Variants in RHBDD1 observed in about 807,000 individuals in gnomAD.
RHBDD1 encodes rhomboid domain containing 1, also known as rhomboid-related protein 4.
In RHBDD1, 38 loss-of-function variants were observed where a neutral mutation model predicts 36.3. The observed-to-expected ratio is 1.05, with a 90% confidence interval of 0.81 to 1.37. The LOEUF is 1.37. RHBDD1 is among the 40% of genes most tolerant of loss of function. The pLI is 0.00. For missense variants in RHBDD1, 393 were observed against 377.6 expected (o/e 1.04, Z -0.34); for synonymous variants, 151 against 136.5 (o/e 1.11, Z -0.74).
chr2:226,803,685 A>G, the RHBDD1 span, among the ~76,000 whole-genome samples: 2,225 of 152,330 alleles, frequency 0.015, 26 homozygotes, highest in Non-Finnish European at 0.023. Flanking sequence ...TGACATAAAC[A>G]TTATCAGTTA....
At chr2:226,952,852 A>G (rs554497256) in intron 8 of RHBDD1, among the ~76,000 whole-genome samples, 1 of 152,124 alleles carries the variant, frequency 6.6e-6, no homozygotes, top group Admixed American at 6.6e-5. Context: ...TAAGGCATCA[A>G]CAAAAATAGC....
intron 7 of RHBDD1, among the ~76,000 whole-genome samples, chr2:226,912,232 T>C (rs938370366): frequency 1.1e-4 from 17 of 152,118 alleles, no homozygotes; most frequent in Non-Finnish European, 2.2e-4. Context: ...GTGGAGAAAT[T>C]GGAACCCACA....
chr2:226,918,057 G>A (rs1472887905), intron 8 of RHBDD1, among the ~76,000 whole-genome samples: 3 of 151,714 alleles, frequency 2.0e-5, no homozygotes, highest in Non-Finnish European at 2.9e-5. Flanking sequence ...ACTCCTATTA[G>A]GAAAATAGAA....
intron 8 of RHBDD1, among the ~76,000 whole-genome samples, chr2:226,964,759 A>G (rs530476119): frequency 1.3e-5 from 2 of 152,378 alleles, no homozygotes; most frequent in Non-Finnish European, 2.9e-5. Context: ...CTCAAGATAC[A>G]TCTCAAATCC....
chr2:226,841,304 T>C (rs1941609409), intron 3 of RHBDD1, among the ~76,000 whole-genome samples: 1 of 152,108 alleles, frequency 6.6e-6, no homozygotes, highest in East Asian at 1.9e-4. Context: ...AGCTAATTTT[T>C]TTTTCTTCAG....
the RHBDD1 span, among the ~76,000 whole-genome samples, chr2:226,802,959 C>G: frequency 6.6e-6 from 1 of 152,176 alleles, no homozygotes; most frequent in Non-Finnish European, 1.5e-5. Flanking sequence ...TTACATATAT[C>G]TGTAAAGTGC....
intron 5 of RHBDD1, among the ~76,000 whole-genome samples, chr2:226,880,058 A>G (rs964444344): frequency 2.0e-5 from 3 of 152,128 alleles, no homozygotes; most frequent in African/African-American, 7.2e-5. Flanking sequence ...ACATTTGTTT[A>G]TTGTCAAGGA....
chr2:226,880,744 T>C (rs1945654394), intron 5 of RHBDD1, among the ~76,000 whole-genome samples: 1 of 152,214 alleles, frequency 6.6e-6, no homozygotes, highest in Admixed American at 6.5e-5. Flanking sequence ...TACTGAGTTT[T>C]CTTTAGGTAT....
intron 8 of RHBDD1, among the ~76,000 whole-genome samples, chr2:226,973,310 C>G (rs1257056578): frequency 6.6e-6 from 1 of 152,198 alleles, no homozygotes; most frequent in Non-Finnish European, 1.5e-5. Context: ...GAAATCATTA[C>G]TCAAAAAAAT....
At chr2:226,876,849 C>A (rs898663167) in intron 5 of RHBDD1, among the ~76,000 whole-genome samples, 1 of 152,088 alleles carries the variant, frequency 6.6e-6, no homozygotes, top group Non-Finnish European at 1.5e-5. Flanking sequence ...TATCAGTAAG[C>A]ACAATATGTG....
intron 3 of RHBDD1, among the ~76,000 whole-genome samples, chr2:226,848,261 A>G (rs1312173623): frequency 6.6e-6 from 1 of 152,210 alleles, no homozygotes; most frequent in African/African-American, 2.4e-5. Context: ...GTTACAATTG[A>G]TGTAGAATAT....
the RHBDD1 span, among the ~76,000 whole-genome samples, chr2:226,829,702 G>A: frequency 6.6e-6 from 1 of 152,126 alleles, no homozygotes; most frequent in Admixed American, 6.5e-5. Context: ...TTTGTATCCT[G>A]AGACTGTGCT....
chr2:226,867,491 T>C (rs1488532158), intron 5 of RHBDD1, 173 bp downstream of exon 5: 1 of 833,946 alleles, frequency 1.2e-6, no homozygotes, highest in East Asian at 1.2e-4. Context: ...GTTTGAATCT[T>C]TTCAACTATT....
rs1401135087 is a variant in RHBDD1, at chr2:226,864,898, C to A, written c.205C>A (p.Leu69Met). ...CYQQKDWQRL[L>M]LSPLHHADDW... ...CCAGCAAAAAGACTGGCAGCGTTTA[C>A]TGCTCTCTCCCCTTCACCATGCTGA... Residue 69 changes from leucine to methionine, a missense_variant, in exon 4 of 9, where the codon CTG becomes ATG. Transcript: ENST00000392062. 13 of 1,614,230 alleles carry A rather than the reference C, an allele frequency of 8.1e-6. 1 individual carries two copies. Among genetic ancestry groups the A allele is most frequent in the Middle Eastern group, 1.6e-4 (1 of 6,062 alleles).
intron 8 of RHBDD1, among the ~76,000 whole-genome samples, chr2:226,915,868 G>T (rs980758921): frequency 6.6e-6 from 1 of 152,224 alleles, no homozygotes; most frequent in Non-Finnish European, 1.5e-5. Context: ...GATTAAAACA[G>T]TAAACATTTG....
At position 226,893,579 on chromosome 2, in the gene RHBDD1, A is replaced by T. The variant is rs541419928; in HGVS notation, c.567-13214A>T. ...TGCATAGTATAGTCACATGAGAAGT[A>T]CTTTGAAAAGAAATAGTTTCGAAGC... On this transcript the variant is annotated intron_variant, in intron 5 of 8. Coordinates refer to ENST00000392062, the MANE Select transcript of RHBDD1 (RefSeq NM_001167608.3). Among the ~76,000 whole-genome samples the T allele has an allele frequency of 3.7e-4, 57 of 152,354 alleles. 1 individual carries two copies. In the South Asian group the frequency reaches 9.5e-3, roughly 25 times the overall value.
the RHBDD1 span, among the ~76,000 whole-genome samples, chr2:226,828,706 T>C: frequency 6.6e-6 from 1 of 152,302 alleles, no homozygotes; most frequent in African/African-American, 2.4e-5. Context: ...ATATATCTTC[T>C]TTGATGAAGA....
chr2:226,896,259 C>G (rs1947087776), intron 5 of RHBDD1, among the ~76,000 whole-genome samples: 7 of 152,194 alleles, frequency 4.6e-5, no homozygotes, highest in Admixed American at 4.6e-4. Context: ...TGCATTGTCT[C>G]TCACCCTAGC....
chr2:226,922,029 A>G (rs940567558), intron 8 of RHBDD1, among the ~76,000 whole-genome samples: 1 of 152,042 alleles, frequency 6.6e-6, no homozygotes, highest in Non-Finnish European at 1.5e-5. Context: ...TGTTAGATGC[A>G]TATATAATTA....
Sources: allele counts gnomAD v4.1 joint callset (sites outside exome capture counted in the v4.1 genomes callset), GRCh38; gene constraint gnomAD v4.1.1; transcripts MANE v1.5; gene names NCBI Gene and HGNC (gene_info 2026-07-23, HGNC 2026-07-21).